Variants in INO80 observed in about 807,000 individuals in gnomAD.
INO80 encodes the protein INO80 complex ATPase subunit, also known as chromatin-remodeling ATPase INO80.
INO80 carries 20 observed loss-of-function variants against 203.4 expected under a neutral mutation model. That is an observed-to-expected ratio of 0.10 (90% CI 0.07 to 0.14). INO80 has a LOEUF of 0.14. Ranked by LOEUF, INO80 falls within the 10% of genes least tolerant of loss-of-function variation. INO80 has a pLI of 1.00. For missense variants in INO80, 1,419 were observed against 1,914.4 expected (o/e 0.74, Z 4.83); for synonymous variants, 726 against 685.2 (o/e 1.06, Z -0.93).
At chr15:41,016,470 C>G (rs1429309506) in intron 26 of INO80, among the ~76,000 whole-genome samples, 1 of 152,226 alleles carries the variant, frequency 6.6e-6, no homozygotes, top group Non-Finnish European at 1.5e-5. Flanking sequence ...TCTTAAGGCA[C>G]TTAAAAGCAT....
chr15:41,003,146 T>G (rs1320308526), intron 28 of INO80, among the ~76,000 whole-genome samples: 1 of 151,358 alleles, frequency 6.6e-6, no homozygotes, highest in Non-Finnish European at 1.5e-5. Context: ...AAAACAAAAG[T>G]TGTTGGCAAA....
chr15:41,081,668 CA>C lies in INO80; in HGVS notation c.874-596del, dbSNP rs910428587. ...TTTCCACTCTAGCTAAGGGGAAAAACAAAAGTCAGTACAGAAACCTGACTCC... is the reference window on the plus strand; with the variant it reads ...TTTCCACTCTAGCTAAGGGGAAAAACAAAGTCAGTACAGAAACCTGACTCC... On this transcript the variant is annotated intron_variant, in intron 7 of 35. Coordinates refer to ENST00000648947, the MANE Select transcript of INO80 (RefSeq NM_017553.3). 1.5e-3 allele frequency among the ~76,000 whole-genome samples: 230 copies of C among 152,076 alleles called. 1 individual carries two copies. Among genetic ancestry groups the C allele is most frequent in the African/African-American group, 5.3e-3 (220 of 41,426 alleles).
chr15:41,094,808 T>C (rs921593241), intron 4 of INO80, among the ~76,000 whole-genome samples: 6 of 152,096 alleles, frequency 3.9e-5, no homozygotes, highest in African/African-American at 1.2e-4. Context: ...CTCAAAGGTT[T>C]TGAGCACCAA....
rs796350164 is a variant in INO80, at chr15:41,084,635, C to T, written c.873+734G>A. Among the ~76,000 whole-genome samples, 8 of 152,210 alleles carry T rather than the reference C, an allele frequency of 5.3e-5. No individual in the cohort carries two copies. The South Asian group carries it at 1.2e-3, about 24-fold the overall frequency. On this transcript the variant is annotated intron_variant, in intron 7 of 35. Transcript: ENST00000648947. The stretch of plus-strand genomic sequence containing the variant: ...GAAAAATGCTTATACATGTTTAACT[C>T]GTTCACATTTTATTCTAGTGCCTGT...
At chr15:41,106,167 T>C (rs569148460) in intron 1 of INO80, among the ~76,000 whole-genome samples, 1 of 152,108 alleles carries the variant, frequency 6.6e-6, no homozygotes, top group Non-Finnish European at 1.5e-5. Flanking sequence ...GCTAATCACT[T>C]GAGCTCTGGA....
At chr15:41,030,921 T>C (rs1241663313) in intron 24 of INO80, among the ~76,000 whole-genome samples, 3 of 149,978 alleles carry the variant, frequency 2.0e-5, no homozygotes, top group Non-Finnish European at 4.5e-5. Flanking sequence ...CCGTCCACCT[T>C]GGCCTCCCAA....
At chr15:41,047,552 C>T (rs766184537) in intron 22 of INO80, 51 bp from the exon 23 acceptor site, 33 of 1,293,070 alleles carry the variant, frequency 2.6e-5, no homozygotes, top group Middle Eastern at 1.8e-4. Flanking sequence ...AGAGACGATG[C>T]TCAGTTAAAG....
intron 25 of INO80, among the ~76,000 whole-genome samples, chr15:41,026,161 C>G (rs1269688098): frequency 6.6e-6 from 1 of 152,082 alleles, no homozygotes; most frequent in Non-Finnish European, 1.5e-5. Context: ...CAGATTCTGT[C>G]TTTTGATAAA....
At chr15:41,099,264 A>AAC (rs2045770985) in intron 1 of INO80, among the ~76,000 whole-genome samples, 1 of 128,124 alleles carries the variant, frequency 7.8e-6, no homozygotes, top group African/African-American at 2.9e-5. Flanking sequence ...AAAAAAAAAA[A>AAC]AAACAAACAC....
In INO80 at chr15:41,044,882, T is replaced by C. The variant is rs377681953; in HGVS notation, c.2907+22A>G. On this transcript the variant is annotated intron_variant, in intron 24 of 35. Transcript: ENST00000648947. ...GGAAAGAAGATACTAAGTAGGTAAT[T>C]TATGCTCAAATAATTGCTTACCTTT... 28 of 1,578,262 alleles carry C rather than the reference T, an allele frequency of 1.8e-5. 1 individual carries two copies. In the East Asian group the frequency reaches 6.1e-4, roughly 34 times the overall value.
Position 41,035,016 on chromosome 15 carries a change from G to C in INO80, c.2908-7280C>G, listed in dbSNP as rs571324609. On this transcript the variant is annotated intron_variant, in intron 24 of 35. Transcript: ENST00000648947. ...AAGAGTTTATGAGTAAAGAATCCCTGCTGAAAATGAAACCTCGTTATTATA... is the reference window on the plus strand; with the variant it reads ...AAGAGTTTATGAGTAAAGAATCCCTCCTGAAAATGAAACCTCGTTATTATA... 2.1e-4 allele frequency among the ~76,000 whole-genome samples: 32 copies of C among 152,328 alleles called. No individual in the cohort carries two copies. The South Asian group carries it at 6.6e-3, about 32-fold the overall frequency.
intron 6 of INO80, 114 bp from the exon 7 acceptor site, chr15:41,085,697 C>G (rs968026122): frequency 5.5e-6 from 4 of 727,736 alleles, no homozygotes; most frequent in African/African-American, 5.3e-5. Flanking sequence ...ACTGACAACA[C>G]ATATCCCTTT....
intron 28 of INO80, chr15:41,004,881 T>G (rs140188770): frequency 6.6e-6 from 1 of 152,130 alleles, no homozygotes; most frequent in South Asian, 2.1e-4. Context: ...CTAATAACTT[T>G]AAGTCATTAC....
rs138844849 is a variant in INO80 at position 41,095,641 on chromosome 15, T to C, written c.341A>G (p.Tyr114Cys). The C allele has an allele frequency of 3.1e-6, 5 of 1,611,472 alleles. No individual in the cohort carries two copies. Among genetic ancestry groups the C allele is most frequent in the Non-Finnish European group, 2.5e-6 (3 of 1,177,768 alleles). ...SESKCDKGNL[Y>C]NFSKLKKSRK... ...GCTTTTCTTCAGCTTAGAGAAATTA[T>C]ATAAATTCCCCTTATCACATTTTGA... The change falls in exon 4 of 36, where the codon TAT becomes TGT. Residue 114 changes from tyrosine to cysteine, a missense_variant. Coordinates refer to ENST00000648947, the MANE Select transcript of INO80 (RefSeq NM_017553.3).
intron 15 of INO80, 36 bp from the exon 16 acceptor site, chr15:41,058,817 C>A: frequency 1.3e-6 from 2 of 1,588,452 alleles, no homozygotes; most frequent in South Asian, 1.1e-5. Flanking sequence ...AAAAGAGAAA[C>A]CTAATAATTC....
chr15:40,982,304 G>A (rs1019481430), intron 35 of INO80, among the ~76,000 whole-genome samples: 4 of 152,088 alleles, frequency 2.6e-5, no homozygotes, highest in Non-Finnish European at 4.4e-5. Flanking sequence ...GAGCCACCAC[G>A]CCCATCTAAT....
At chr15:41,037,926 G>C (rs1307328330) in intron 24 of INO80, among the ~76,000 whole-genome samples, 2 of 151,018 alleles carry the variant, frequency 1.3e-5, no homozygotes, top group Non-Finnish European at 2.9e-5. Context: ...CTGGGCGACA[G>C]AGTAAGACTC....
chr15:41,069,534 A>C, intron 14 of INO80, 36 bp downstream of exon 14: 1 of 1,228,112 alleles, frequency 8.1e-7, no homozygotes, highest in Non-Finnish European at 1.2e-6. Flanking sequence ...GTTTATTTTA[A>C]AGAGCAATAG....
At position 41,044,909 on chromosome 15, in the gene INO80, A is replaced by G; in HGVS notation, c.2902T>C (p.Leu968=). ...ATGCTCAAATAATTGCTTACCTTTA[A>G]CAAAGGGCAGCTGCAAAGGTTTGGA... ...SFPNLCSCPL[L]KSLVFSSHCK... is the part of the protein sequence containing the mutation. Residue 968 remains leucine (L), a synonymous_variant, in exon 24 of 36, where the codon TTA becomes CTA. Transcript: ENST00000648947. The G allele has an allele frequency of 6.2e-7, 1 of 1,601,710 alleles. No homozygotes were observed. The highest frequency in any genetic ancestry group is 8.5e-7 in the Non-Finnish European group (1 of 1,176,772).
Sources: allele counts gnomAD v4.1 joint callset (sites outside exome capture counted in the v4.1 genomes callset), GRCh38; gene constraint gnomAD v4.1.1; transcripts MANE v1.5; gene names NCBI Gene and HGNC (gene_info 2026-07-23, HGNC 2026-07-21).